Variants in KCNH6 observed in about 807,000 individuals in gnomAD.
KCNH6 encodes potassium voltage-gated channel subfamily H member 6.
Under a neutral mutation model 83.4 loss-of-function variants are expected in KCNH6, and 81 were observed. That is an observed-to-expected ratio of 0.97 (90% CI 0.81 to 1.17). The LOEUF (loss-of-function observed/expected upper bound fraction) is 1.17, where lower values mean the gene tolerates loss of function less well. KCNH6 is among the 50% of genes most tolerant of loss of function. KCNH6 has a pLI of 0.00. For synonymous variants in KCNH6, 503 were observed against 545.6 expected (o/e 0.92, Z 1.09); for missense variants, 1,203 against 1,290.5 (o/e 0.93, Z 1.04).
intron 2 of KCNH6, among the ~76,000 whole-genome samples, chr17:63,525,576 G>C (rs1383313102): frequency 6.6e-6 from 1 of 152,180 alleles, no homozygotes; most frequent in Non-Finnish European, 1.5e-5. Flanking sequence ...GAGCATGTGT[G>C]TGCTTGCATG....
rs1037593008 is a variant in KCNH6 at position 63,538,355 on chromosome 17, C to T, written c.1702-55C>T. 7 of 1,595,490 alleles carry T rather than the reference C, an allele frequency of 4.4e-6. No individual in the cohort carries two copies. The highest frequency in any genetic ancestry group is 6.0e-6 in the Non-Finnish European group (7 of 1,170,476). ...GCGTCCCCAGAGCCCTCACCACCCT[C>T]TCCCCCAGCCCCACCCCGGCCGCGT... is the stretch of plus-strand genomic sequence containing the variant. On this transcript the variant is annotated intron_variant, in intron 7 of 12. Transcript: ENST00000314672. The surrounding 1 kb of genome is among the most constrained non-coding windows in gnomAD (Gnocchi z 4.0).
intron 2 of KCNH6, 73 bp from the exon 3 acceptor site, chr17:63,530,018 C>A: frequency 6.5e-7 from 1 of 1,534,434 alleles, no homozygotes; most frequent in Non-Finnish European, 8.9e-7. Context: ...CACTCAGCCC[C>A]TTCCCTAGCC....
In KCNH6 at chr17:63,534,822, A is replaced by G. The variant is rs1366170130; in HGVS notation, c.1101+511A>G. ...CACGATCAGCTTTTCACTGAAATCA[A>G]CTCTGCCTTCTGTGTTCCAGTGCCC... On this transcript the variant is annotated intron_variant, in intron 5 of 12. Transcript: ENST00000314672. The surrounding 1 kb of genome is among the most constrained non-coding windows in gnomAD (Gnocchi z 5.0). Among the ~76,000 whole-genome samples, 1 of 151,696 alleles carries G rather than the reference A, an allele frequency of 6.6e-6. No homozygotes were observed. The highest frequency in any genetic ancestry group is 1.5e-5 in the Non-Finnish European group (1 of 67,902).
Position 63,530,316 on chromosome 17 carries a change from G to T in KCNH6, c.470-21G>T, listed in dbSNP as rs774300827. Reference sequence around the variant, plus strand: ...AGGGTCCCCTGGCCGTGGCTGCTCTGACTCCTGGCCCTGGTTTCAGAGGGC... The same window carrying T: ...AGGGTCCCCTGGCCGTGGCTGCTCTTACTCCTGGCCCTGGTTTCAGAGGGC... On this transcript the variant is annotated intron_variant, in intron 3 of 12. Coordinates refer to ENST00000314672, the MANE Select transcript of KCNH6 (RefSeq NM_001278919.2). 3.1e-6 allele frequency: 5 copies of T among 1,613,970 alleles called. No individual in the cohort carries two copies. The African/African-American group carries it at 4.0e-5, about 13-fold the overall frequency.
rs766596307 is a variant in KCNH6 at position 63,534,075 on chromosome 17, C to A, written c.865C>A (p.Arg289=). 1.9e-6 allele frequency: 3 copies of A among 1,613,396 alleles called. No individual in the cohort carries two copies. In the East Asian group the frequency reaches 6.7e-5, roughly 36 times the overall value. Residue 289 remains arginine (R), a synonymous_variant, in exon 5 of 13, where the codon CGG becomes AGG. Transcript: ENST00000314672. The surrounding 1 kb of genome is among the most constrained non-coding windows in gnomAD (Gnocchi z 5.0). ...CCTGCTCAGCGATCAGGACGAATCA[C>A]GGCGTGGGGCCTGCAGCTATACCTG... is the stretch of plus-strand genomic sequence containing the variant. The part of the protein sequence containing the change: ...AFLLSDQDES[R]RGACSYTCSP...
chr17:63,536,999 A>C (rs1231897326), intron 6 of KCNH6, among the ~76,000 whole-genome samples: 5 of 151,018 alleles, frequency 3.3e-5, no homozygotes, highest in Non-Finnish European at 7.4e-5. Context: ...CAGTGACAGC[A>C]GAGTATTAAA....
chr17:63,542,697 A>G (rs1220039530), intron 9 of KCNH6, among the ~76,000 whole-genome samples: 1 of 152,224 alleles, frequency 6.6e-6, no homozygotes, highest in Non-Finnish European at 1.5e-5. Flanking sequence ...CAGATGAGGA[A>G]ACTGAGGATT....
Position 63,543,674 on chromosome 17 carries a change from GCCCCCA to G in KCNH6, c.2233+23_2233+28del. ...ACAACCAGTCAGGTGAGCAAAGCCA[GCCCCCA>G]CCCCCACCAGCCTGTAGCCCCTGCC... On this transcript the variant is annotated intron_variant, in intron 10 of 12. Transcript: ENST00000314672. 3 of 1,557,708 alleles carry G rather than the reference GCCCCCA, an allele frequency of 1.9e-6. No individual in the cohort carries two copies. Among genetic ancestry groups the G allele is most frequent in the South Asian group, 1.1e-5 (1 of 89,964 alleles).
chr17:63,532,536 A>T (rs569553103), intron 4 of KCNH6, among the ~76,000 whole-genome samples: 1 of 152,118 alleles, frequency 6.6e-6, no homozygotes, highest in Non-Finnish European at 1.5e-5. Flanking sequence ...GTGGAGTCGG[A>T]GGGGGCTTCC....
rs2032407461 is a variant in KCNH6, at chr17:63,535,269, ACATCGGCCACGCACTTCACACCTCAG to A, written c.1102-399_1102-374del. On this transcript the variant is annotated intron_variant, in intron 5 of 12. Coordinates refer to ENST00000314672, the MANE Select transcript of KCNH6 (RefSeq NM_001278919.2). The surrounding 1 kb of genome is among the most constrained non-coding windows in gnomAD (Gnocchi z 4.9). ...GCTGCAGTGCCACACTCGGTTTCCC[ACATCGGCCACGCACTTCACACCTCAG>A]TGCCGCTGCTCATGCTGCTCCCTGA... Among the ~76,000 whole-genome samples, 2 of 152,112 alleles carry A rather than the reference ACATCGGCCACGCACTTCACACCTCAG, an allele frequency of 1.3e-5. No homozygotes were observed. Among genetic ancestry groups the A allele is most frequent in the Admixed American group, 1.3e-4 (2 of 15,268 alleles).
chr17:63,528,690 G>A (rs2031880698), intron 2 of KCNH6, among the ~76,000 whole-genome samples: 1 of 152,084 alleles, frequency 6.6e-6, no homozygotes, highest in African/African-American at 2.4e-5. Flanking sequence ...TCATCTGCGT[G>A]GTCACCTGAG....
intron 12 of KCNH6, 24 bp downstream of exon 12, chr17:63,545,288 G>C (rs766139442): frequency 6.2e-7 from 1 of 1,609,082 alleles, no homozygotes; most frequent in South Asian, 1.1e-5. Flanking sequence ...GGATTCCCAG[G>C]GGCTTACCTG....
intron 6 of KCNH6, 89 bp downstream of exon 6, chr17:63,536,157 A>G: frequency 8.8e-7 from 1 of 1,138,308 alleles, no homozygotes; most frequent in Non-Finnish European, 1.3e-6. Flanking sequence ...GATAGAACAT[A>G]ACACATAGCA....
Position 63,530,472 on chromosome 17 carries a change from C to A in KCNH6, c.605C>A (p.Thr202Lys). The A allele has an allele frequency of 6.2e-7, 1 of 1,614,212 alleles. No homozygotes were observed. The highest frequency in any genetic ancestry group is 1.3e-5 in the African/African-American group (1 of 75,054). The change falls in exon 4 of 13, where the codon ACG becomes AAG. Residue 202 changes from threonine (T) to lysine (K), a missense_variant. Thr to Lys is a moderately conservative substitution (Grantham distance 78). Transcript: ENST00000314672. The stretch of plus-strand genomic sequence containing the variant: ...GAGAAGCACCGCTCCAGCTCCACCA[C>A]GGAGATTGAGATCATCGCGCCCCAT... ...NLEKHRSSST[T>K]EIEIIAPHKV...
chr17:63,545,479 G>A, intron 12 of KCNH6, 130 bp from the exon 13 acceptor site: 1 of 1,045,638 alleles, frequency 9.6e-7, no homozygotes, highest in South Asian at 1.6e-5. Context: ...CCTGCAGCTG[G>A]GGCCAGGGCA....
At chr17:63,525,650 T>G (rs1206599276) in intron 2 of KCNH6, among the ~76,000 whole-genome samples, 1 of 152,138 alleles carries the variant, frequency 6.6e-6, no homozygotes, top group Non-Finnish European at 1.5e-5. Flanking sequence ...GTTTGCAGGC[T>G]TCTCAGAGTT....
chr17:63,542,582 C>T, intron 9 of KCNH6, 148 bp downstream of exon 9: 1 of 686,346 alleles, frequency 1.5e-6, no homozygotes, highest in South Asian at 1.8e-5. Flanking sequence ...TGGCTGGCGT[C>T]ATGCTAAGTA....
At position 63,534,137 on chromosome 17, in the gene KCNH6, C is replaced by G. The variant is rs774594997; in HGVS notation, c.927C>G (p.Ile309Met). The change falls in exon 5 of 13, where the codon ATC becomes ATG. Residue 309 changes from isoleucine (I) to methionine (M), a missense_variant. Transcript: ENST00000314672. This position sits in a 1 kb window ranked among gnomAD's most constrained non-coding sequence, Gnocchi z 5.0. ...PLTVVDLIVDIMFVVDIVINF... is the reference protein window; with the variant it reads ...PLTVVDLIVDMMFVVDIVINF... ...CTGTGGTGGATCTCATCGTGGACATCATGTTCGTCGTGGACATCGTCATCA... is the reference window on the plus strand; with the variant it reads ...CTGTGGTGGATCTCATCGTGGACATGATGTTCGTCGTGGACATCGTCATCA... 2 of 1,552,418 alleles carry G rather than the reference C, an allele frequency of 1.3e-6. No individual in the cohort carries two copies. Among genetic ancestry groups the G allele is most frequent in the South Asian group, 2.2e-5 (2 of 90,012 alleles).
Position 63,523,576 on chromosome 17 carries a change from C to G in KCNH6, c.76+87C>G, listed in dbSNP as rs1017612124. 7.8e-7 allele frequency: 1 copy of G among 1,282,646 alleles called. No individual in the cohort carries two copies. Among genetic ancestry groups the G allele is most frequent in the Non-Finnish European group, 1.1e-6 (1 of 921,670 alleles). The allele number at this position is 1,282,646 out of a possible 1,614,324, so 79.5% of individuals were successfully genotyped here. A position where few individuals can be genotyped will look rare whatever the true frequency, so the allele number is the denominator to read the frequency against. On this transcript the variant is annotated intron_variant, in intron 1 of 12. Transcript: ENST00000314672. This position sits in a 1 kb window ranked among gnomAD's most constrained non-coding sequence, Gnocchi z 4.2. The stretch of plus-strand genomic sequence containing the variant: ...GCTGGACCCCTTTACTAACTTCTAA[C>G]CGGGCAAGGTGGTGAGTGCCGGGTG...
Sources: allele counts gnomAD v4.1 joint callset (sites outside exome capture counted in the v4.1 genomes callset), GRCh38; gene constraint gnomAD v4.1.1; non-coding constraint Gnocchi (gnomAD v3.1); transcripts MANE v1.5; gene names NCBI Gene and HGNC (gene_info 2026-07-23, HGNC 2026-07-21).